The following NUP160 variants were observed in gnomAD, a reference collection of about 807,000 sequenced individuals.
NUP160 encodes the protein nuclear pore complex protein Nup160.
In NUP160, 94 loss-of-function variants were observed where a neutral mutation model predicts 196.9. The observed-to-expected ratio is 0.48, with a 90% CI of 0.40 to 0.57. The LOEUF is 0.57. NUP160 is among the 20% of genes least tolerant of loss of function. NUP160 has a pLI of 0.00. For synonymous variants in NUP160, 605 were observed against 619.7 expected (o/e 0.98, Z 0.35); for missense variants, 1,638 against 1,748.3 (o/e 0.94, Z 1.13).
At chr11:47,788,227 G>C in exon 31 of NUP160, 1 of 1,613,948 alleles carries the variant, frequency 6.2e-7, no homozygotes, top group Non-Finnish European at 8.5e-7. Flanking sequence ...AAGCTTAAAA[G>C]TCTGACAGAG....
intron 7 of NUP160, among the ~76,000 whole-genome samples, chr11:47,829,508 T>C (rs1363493373): frequency 6.6e-6 from 1 of 152,156 alleles, no homozygotes; most frequent in Non-Finnish European, 1.5e-5. Context: ...GGTTTCACCA[T>C]ATTGGCCAGG....
At chr11:47,840,287 C>T in intron 3 of NUP160, 91 bp downstream of exon 3, 2 of 1,161,954 alleles carry the variant, frequency 1.7e-6, no homozygotes, top group East Asian at 2.4e-5. Context: ...ATCCAAATTT[C>T]CTTCAATTCC....
intron 27 of NUP160, among the ~76,000 whole-genome samples, chr11:47,793,585 A>AT (rs1236511339): frequency 1.3e-5 from 2 of 152,166 alleles, no homozygotes; most frequent in Non-Finnish European, 2.9e-5. Context: ...TCTCAAAGAG[A>AT]TATTTCTACA....
chr11:47,828,916 C>T (rs1852025035), intron 7 of NUP160, among the ~76,000 whole-genome samples: 1 of 151,728 alleles, frequency 6.6e-6, no homozygotes, highest in African/African-American at 2.4e-5. Context: ...GCTTACCTCA[C>T]ACTATTAAAA....
intron 27 of NUP160, among the ~76,000 whole-genome samples, chr11:47,796,924 A>T (rs542717196): frequency 6.6e-6 from 1 of 151,894 alleles, no homozygotes; most frequent in East Asian, 1.9e-4. Flanking sequence ...AACTCCTGAC[A>T]TTAAGCGATC....
chr11:47,818,860 T>G (rs895357645), intron 10 of NUP160, among the ~76,000 whole-genome samples: 3 of 152,196 alleles, frequency 2.0e-5, no homozygotes, highest in Non-Finnish European at 2.9e-5. Context: ...CTCTTGGGAT[T>G]AAGAGTGCAG....
In NUP160 at chr11:47,792,889, C is replaced by T. The variant is rs747949018; in HGVS notation, c.3347G>A (p.Arg1116Gln). ...ACAGTTGCCTTGTTTCTCAAGTCCC[C>T]GGAGAGTTCGAACTTCTCTGCCAAG... Residue 1116 changes from arginine (R) to glutamine (Q), a missense_variant, in exon 28 of 36, where the codon CGG becomes CAG. Coordinates refer to ENST00000378460, the Ensembl canonical transcript of NUP160. 1.5e-5 allele frequency: 24 copies of T among 1,613,960 alleles called. No homozygotes were observed. The highest frequency in any genetic ancestry group is 4.0e-5 in the African/African-American group (3 of 74,922).
intron 7 of NUP160, among the ~76,000 whole-genome samples, chr11:47,827,539 C>CA (rs1405039243): frequency 6.6e-6 from 1 of 151,628 alleles, no homozygotes; most frequent in Non-Finnish European, 1.5e-5. Context: ...TCTTCTCTAC[C>CA]AAAAAACAAC....
At chr11:47,836,897 C>G in exon 6 of NUP160, 1 of 1,588,118 alleles carries the variant, frequency 6.3e-7, no homozygotes, top group Middle Eastern at 1.7e-4. Flanking sequence ...CTTGTAAGAC[C>G]ACATTCGTAG....
At chr11:47,780,200 TA>T (rs1432903717) in intron 35 of NUP160, 142 bp downstream of exon 35, 18 of 595,316 alleles carry the variant, frequency 3.0e-5, no homozygotes, top group Non-Finnish European at 4.9e-5. Context: ...GCCTTATCTA[TA>T]AAGGGACTGG....
intron 17 of NUP160, among the ~76,000 whole-genome samples, chr11:47,810,484 T>C (rs2097680473): frequency 6.6e-6 from 1 of 151,620 alleles, no homozygotes; most frequent in Admixed American, 6.6e-5. Flanking sequence ...AGCCACCACA[T>C]CTGGCCTTTT....
chr11:47,848,481 G>A, upstream of NUP160: 1 of 1,337,088 alleles, frequency 7.5e-7, no homozygotes, highest in Admixed American at 2.5e-5. Flanking sequence ...GAGAATGAGG[G>A]TGGGCAGCGA....
chr11:47,824,916 A>C (rs1851938166), intron 7 of NUP160, among the ~76,000 whole-genome samples: 1 of 149,426 alleles, frequency 6.7e-6, no homozygotes, highest in African/African-American at 2.5e-5. Flanking sequence ...GCTCACTGCG[A>C]GCTCCACCTC....
intron 35 of NUP160, chr11:47,779,663 C>G: frequency 4.2e-6 from 2 of 479,562 alleles, no homozygotes; most frequent in Non-Finnish European, 8.2e-6. Flanking sequence ...TATATGACTC[C>G]TGAGAAATGT....
At chr11:47,821,407 G>C (rs1851854300) in intron 9 of NUP160, 1 of 194,080 alleles carries the variant, frequency 5.2e-6, no homozygotes, top group Non-Finnish European at 9.8e-6. Flanking sequence ...GCCCAGGCTG[G>C]AGTGCAGTGG....
chr11:47,810,337 A>G (rs1207711987), intron 17 of NUP160, among the ~76,000 whole-genome samples: 1 of 151,970 alleles, frequency 6.6e-6, no homozygotes, highest in East Asian at 1.9e-4. Context: ...AGCAAGGACT[A>G]CAGGCTTGCT....
intron 7 of NUP160, among the ~76,000 whole-genome samples, chr11:47,825,323 C>T (rs1006900483): frequency 6.6e-6 from 1 of 151,708 alleles, no homozygotes; most frequent in African/African-American, 2.4e-5. Context: ...CGCTCTATTG[C>T]CTAGGTTGAA....
At chr11:47,847,883 C>A (rs766666349) in exon 2 of NUP160, 1 of 1,614,136 alleles carries the variant, frequency 6.2e-7, no homozygotes. Flanking sequence ...CGGAGAACAA[C>A]TTGCCACTCT....
chr11:47,798,655 T>C (rs1364037236), intron 23 of NUP160, among the ~76,000 whole-genome samples, 192 bp from the exon 24 acceptor site: 1 of 151,688 alleles, frequency 6.6e-6, no homozygotes, highest in Non-Finnish European at 1.5e-5. Context: ...AAGACCCCCA[T>C]CTCTACAAAA....
Sources: gnomAD v4.1 joint callset for allele counts (sites outside exome capture counted in the v4.1 genomes callset) on GRCh38, gnomAD v4.1.1 for gene constraint, MANE v1.5 for transcripts, NCBI Gene and HGNC (gene_info 2026-07-23, HGNC 2026-07-21) for gene names.